CHRNA3: variants seen among roughly 807,000 people sequenced by gnomAD.
CHRNA3 encodes neuronal acetylcholine receptor subunit alpha-3.
Under a neutral mutation model 41.9 loss-of-function variants are expected in CHRNA3, and 34 were observed. The ratio of observed to expected loss-of-function variants is 0.81; its 90% CI spans 0.62 to 1.08. The LOEUF (loss-of-function observed/expected upper bound fraction) is 1.08, where lower values mean the gene tolerates loss of function less well. Ranked by LOEUF, CHRNA3 falls within the 50% of genes least tolerant of loss-of-function variation. The pLI is 0.00. For missense variants in CHRNA3, 542 were observed against 638.3 expected (o/e 0.85, Z 1.63); for synonymous variants, 281 against 265.2 (o/e 1.06, Z -0.58).
intron 4 of CHRNA3, among the ~76,000 whole-genome samples, chr15:78,616,075 T>C (rs1021635531): frequency 2.2e-5 from 1 of 46,492 alleles, no homozygotes; most frequent in Non-Finnish European, 4.0e-5. Context: ...TCATTGGGGC[T>C]GGGCATGGTG....
chr15:78,615,680 T>TA (rs1391605825), intron 4 of CHRNA3, among the ~76,000 whole-genome samples: 3 of 152,146 alleles, frequency 2.0e-5, no homozygotes, highest in African/African-American at 4.8e-5. Context: ...TAATACATAT[T>TA]AACTTTAGAA....
chr15:78,596,486 C>T lies in CHRNA3; in HGVS notation c.*118G>A. 2 of 1,318,302 alleles carry T rather than the reference C, an allele frequency of 1.5e-6. No homozygotes were observed. The highest frequency in any genetic ancestry group is 5.6e-5 in the East Asian group (2 of 36,016). 81.7% of individuals were successfully genotyped at this position (1,318,302 alleles called of 1,614,324 possible). On this transcript the variant is annotated 3_prime_UTR_variant, in exon 6 of 6. Transcript: ENST00000326828. ...CAAGATAAGTGGAAAATAAGTAAAC[C>T]TCGAAATGCCAAAAACAAAGCTGGT...
At chr15:78,616,942 G>T (rs990875500) in intron 4 of CHRNA3, 82 bp downstream of exon 4, 13 of 874,080 alleles carry the variant, frequency 1.5e-5, no homozygotes, top group Admixed American at 7.1e-5. Context: ...GCCAAGGAAG[G>T]CCAGGTTTTA....
intron 4 of CHRNA3, among the ~76,000 whole-genome samples, chr15:78,605,518 C>T (rs891353897): frequency 3.7e-5 from 5 of 136,146 alleles, no homozygotes; most frequent in African/African-American, 9.9e-5. Context: ...AAGACGAGGA[C>T]CCCACTCTGC....
intron 5 of CHRNA3, 124 bp downstream of exon 5, chr15:78,601,129 A>T: frequency 1.1e-6 from 1 of 885,572 alleles, no homozygotes; most frequent in Non-Finnish European, 1.8e-6. Context: ...AACTGGTCTT[A>T]ACACAGGCCA....
chr15:78,606,850 G>C (rs1413612511), intron 4 of CHRNA3, among the ~76,000 whole-genome samples: 1 of 152,112 alleles, frequency 6.6e-6, no homozygotes, highest in Non-Finnish European at 1.5e-5. Context: ...AGTGAGCTGA[G>C]ATCATGCCAC....
rs1223267345 is a variant in CHRNA3 at position 78,601,675 on chromosome 15, C to T, written c.967G>A (p.Val323Ile). The T allele has an allele frequency of 1.2e-6, 2 of 1,614,076 alleles. No individual in the cohort carries two copies. The highest frequency in any genetic ancestry group is 1.3e-5 in the African/African-American group (1 of 75,002). ...IFVTLSIVIT[V>I]FVLNVHYRTP... ...CTGTAGTGCACGTTGAGCACGAAGACGGTGATGACGATGGACAAGGTTACA... is the reference window on the plus strand; with the variant it reads ...CTGTAGTGCACGTTGAGCACGAAGATGGTGATGACGATGGACAAGGTTACA... The change falls in exon 5 of 6, where the codon GTC becomes ATC. Residue 323 changes from valine (V) to isoleucine (I), a missense_variant. By Grantham distance (29) the Val-to-Ile change is conservative. Coordinates refer to ENST00000326828, the MANE Select transcript of CHRNA3 (RefSeq NM_000743.5).
chr15:78,596,722 T>A lies in CHRNA3; in HGVS notation c.1400A>T (p.Asp467Val). 1.3e-6 allele frequency: 2 copies of A among 1,599,330 alleles called. No individual in the cohort carries two copies. Among genetic ancestry groups the A allele is most frequent in the Non-Finnish European group, 8.5e-7 (1 of 1,176,708 alleles). ...AATCACCATGGCAACATACTTCCAA[T>A]CATCTTGAATCTGCAAAACAAAATG... Reference protein sequence around the residue: ...AQNEAKEIQDDWKYVAMVIDR... With the variant: ...AQNEAKEIQDVWKYVAMVIDR... Residue 467 changes from aspartate (D) to valine (V), a missense_variant, in exon 6 of 6, where the codon GAT becomes GTT. Coordinates refer to ENST00000326828, the MANE Select transcript of CHRNA3 (RefSeq NM_000743.5).
chr15:78,601,820 G>GGTC lies in CHRNA3; in HGVS notation c.819_821dup (p.Thr274dup). On this transcript the variant is annotated inframe_insertion, in exon 5 of 6. Transcript: ENST00000326828. The stretch of plus-strand genomic sequence containing the variant: ...GGGAGAGGAGGACAGAAATGCACAG[G>GGTC]GTCACCTTCTCACCGCAGTCGGAGG... The GGTC allele has an allele frequency of 6.2e-7, 1 of 1,614,112 alleles. No individual in the cohort carries two copies. Among genetic ancestry groups the GGTC allele is most frequent in the Admixed American group, 1.7e-5 (1 of 60,002 alleles).
At chr15:78,611,882 C>CA (rs2053385215) in intron 4 of CHRNA3, among the ~76,000 whole-genome samples, 1 of 152,116 alleles carries the variant, frequency 6.6e-6, no homozygotes, top group South Asian at 2.1e-4. Flanking sequence ...TCTCAGGATA[C>CA]AAAATCAATG....
In CHRNA3 at chr15:78,601,504, G is replaced by C. The variant is rs201571154; in HGVS notation, c.1138C>G (p.Leu380Val). The C allele has an allele frequency of 1.9e-6, 3 of 1,614,082 alleles. No individual in the cohort carries two copies. Among genetic ancestry groups the C allele is most frequent in the Admixed American group, 1.7e-5 (1 of 60,006 alleles). Residue 380 changes from leucine to valine, a missense_variant, in exon 5 of 6, where the codon CTG (leucine) becomes GTG (valine). Leu to Val is a conservative substitution (Grantham distance 32). Coordinates refer to ENST00000326828, the MANE Select transcript of CHRNA3 (RefSeq NM_000743.5). ...GACTCTGCGCGGCTGAAGCAATTCA[G>C]ATTTGAGAGCTCGGCACCGTAGAGG... The part of the protein sequence containing the change: ...RPLYGAELSN[L>V]NCFSRAESKG...
chr15:78,601,944 T>C lies in CHRNA3; in HGVS notation c.698A>G (p.Tyr233Cys). ...GGGCAGGCGCCGGATGTACAGCGAG[T>C]ATGTGATGTCGGGGTAGATCTCCTC... is the stretch of plus-strand genomic sequence containing the variant. ...CCEEIYPDITYSLYIRRLPLF... is the reference protein window; with the variant it reads ...CCEEIYPDITCSLYIRRLPLF... Residue 233 changes from tyrosine (Y) to cysteine (C), a missense_variant, in exon 5 of 6, where the codon TAC becomes TGC. Coordinates refer to ENST00000326828, the MANE Select transcript of CHRNA3 (RefSeq NM_000743.5). The C allele has an allele frequency of 6.2e-7, 1 of 1,613,232 alleles. No homozygotes were observed. The highest frequency in any genetic ancestry group is 8.5e-7 in the Non-Finnish European group (1 of 1,179,520).
chr15:78,602,078 A>G lies in CHRNA3; in HGVS notation c.564T>C (p.Asp188=), dbSNP rs8192480. 6,938 of 1,614,132 alleles carry G rather than the reference A, an allele frequency of 4.3e-3. 59 individuals carry two copies. The highest frequency in any genetic ancestry group is 5.5e-3 in the South Asian group (498 of 91,082). The change falls in exon 5 of 6, where the codon GAT becomes GAC. Residue 188 remains aspartate, a synonymous_variant. Coordinates refer to ENST00000326828, the MANE Select transcript of CHRNA3 (RefSeq NM_000743.5). ...TCATGGAAGAGCCGATCAGGACCAGATCGATTTTCGCCTTATCGTAGGACC... is the reference window on the plus strand; with the variant it reads ...TCATGGAAGAGCCGATCAGGACCAGGTCGATTTTCGCCTTATCGTAGGACC... The part of the protein sequence containing the change: ...GSWSYDKAKI[D]LVLIGSSMNL...
At position 78,613,757 on chromosome 15, in the gene CHRNA3, C is replaced by CA. The variant is rs1429390291; in HGVS notation, c.377+3266dup. Among the ~76,000 whole-genome samples the CA allele has an allele frequency of 2.2e-3, 148 of 65,888 alleles. 2 individuals are homozygous for CA. The highest frequency in any genetic ancestry group is 7.5e-3 in the African/African-American group (132 of 17,584). 43.2% of individuals were successfully genotyped at this position (65,888 alleles called of 152,430 possible). ...TTAAAAAAAAACTGTAAAGCAGTGG[C>CA]AAACAAACAAAAAAAAAACCAAAAA... On this transcript the variant is annotated intron_variant, in intron 4 of 5. Transcript: ENST00000326828.
intron 5 of CHRNA3, among the ~76,000 whole-genome samples, chr15:78,599,735 G>T (rs1020424422): frequency 1.3e-5 from 2 of 149,100 alleles, no homozygotes; most frequent in African/African-American, 5.0e-5. Flanking sequence ...GGCTCAAAAG[G>T]CCAGGTGTGG....
Position 78,595,356 on chromosome 15 carries a change from A to G in CHRNA3, c.*1248T>C. On this transcript the variant is annotated 3_prime_UTR_variant, in exon 6 of 6. Coordinates refer to ENST00000326828, the MANE Select transcript of CHRNA3 (RefSeq NM_000743.5). Reference sequence around the variant, plus strand: ...TTGCACAGGAAAAACTAGTGAGACAAGATTCAAACAGTCTCTGTGAATCAT... The same window carrying G: ...TTGCACAGGAAAAACTAGTGAGACAGGATTCAAACAGTCTCTGTGAATCAT... 1 of 916,094 alleles carries G rather than the reference A, an allele frequency of 1.1e-6. No individual in the cohort carries two copies. The highest frequency in any genetic ancestry group is 5.3e-5 in the South Asian group (1 of 18,930). The allele number at this position is 916,094 out of a possible 1,614,324, so 56.7% of individuals were successfully genotyped here. A position where few individuals can be genotyped will look rare whatever the true frequency, so the allele number is the denominator to read the frequency against.
At chr15:78,597,942 A>AT (rs2053138437) in intron 5 of CHRNA3, among the ~76,000 whole-genome samples, 2 of 152,206 alleles carry the variant, frequency 1.3e-5, no homozygotes, top group South Asian at 4.1e-4. Flanking sequence ...CATAGGTAAA[A>AT]TTAGAATTAT....
At chr15:78,618,746 T>G (rs989186839) in intron 2 of CHRNA3, 30 bp downstream of exon 2, 1 of 1,614,140 alleles carries the variant, frequency 6.2e-7, no homozygotes, top group Non-Finnish European at 8.5e-7. Context: ...CCGGTCCCCA[T>G]GGCCACGGCT....
intron 4 of CHRNA3, among the ~76,000 whole-genome samples, chr15:78,614,211 G>A (rs1017612918): frequency 2.0e-5 from 3 of 152,112 alleles, no homozygotes; most frequent in Non-Finnish European, 4.4e-5. Context: ...GCAAGGAAAT[G>A]GCTATAAAAC....
Sources: gnomAD v4.1 joint callset for allele counts (sites outside exome capture counted in the v4.1 genomes callset) on GRCh38, gnomAD v4.1.1 for gene constraint, MANE v1.5 for transcripts, NCBI Gene and HGNC (gene_info 2026-07-23, HGNC 2026-07-21) for gene names.